The following QTMAN variants were observed in gnomAD, a reference collection of about 807,000 sequenced individuals.
The protein encoded by QTMAN is tRNA-queuosine alpha-mannosyltransferase.
At chr2:144,332,749 C>G in the QTMAN span, among the ~76,000 whole-genome samples, 2 of 152,030 alleles carry the variant, frequency 1.3e-5, no homozygotes, top group African/African-American at 4.8e-5. Context: ...GCCCACTGTC[C>G]CCCGGCCTCG....
chr2:144,224,538 T>A, the QTMAN span, among the ~76,000 whole-genome samples: 5 of 152,028 alleles, frequency 3.3e-5, no homozygotes, highest in African/African-American at 4.8e-5. Context: ...AAATAACACA[T>A]GGTAACAGAG....
the QTMAN span, among the ~76,000 whole-genome samples, chr2:144,297,870 G>C: frequency 6.6e-6 from 1 of 151,224 alleles, no homozygotes; most frequent in African/African-American, 2.4e-5. Flanking sequence ...GTGAGCCACA[G>C]TGCCGGGCTG....
chr2:144,139,739 G>T, the QTMAN span, among the ~76,000 whole-genome samples: 1 of 152,044 alleles, frequency 6.6e-6, no homozygotes, highest in Non-Finnish European at 1.5e-5. Context: ...AACTGCTGAG[G>T]TGACAGACAT....
the QTMAN span, among the ~76,000 whole-genome samples, chr2:144,294,649 T>C: frequency 6.6e-5 from 10 of 152,026 alleles, no homozygotes; most frequent in South Asian, 2.1e-4. Context: ...TTGTTTAACA[T>C]TGGGTGAAAA....
chr2:144,067,402 T>C, the QTMAN span, among the ~76,000 whole-genome samples: 114 of 152,358 alleles, frequency 7.5e-4, no homozygotes, highest in Admixed American at 1.8e-3. Flanking sequence ...TTGCTCTTCA[T>C]AAGCTTTACA....
chr2:144,099,671 C>T, the QTMAN span, among the ~76,000 whole-genome samples: 2 of 152,190 alleles, frequency 1.3e-5, no homozygotes, highest in Non-Finnish European at 2.9e-5. Flanking sequence ...CTTCCTCAAG[C>T]CCTTTCCACA....
At chr2:143,965,945 G>A in the QTMAN span, among the ~76,000 whole-genome samples, 2 of 152,186 alleles carry the variant, frequency 1.3e-5, no homozygotes, top group African/African-American at 4.8e-5. Context: ...GAAGATTACA[G>A]GCAATGAAAT....
chr2:143,950,342 A>G, the QTMAN span, among the ~76,000 whole-genome samples: 1 of 151,756 alleles, frequency 6.6e-6, no homozygotes, highest in East Asian at 1.9e-4. Flanking sequence ...CTGTTTGTAA[A>G]ATAAATAATT....
chr2:144,092,202 G>A, the QTMAN span, among the ~76,000 whole-genome samples: 2 of 149,424 alleles, frequency 1.3e-5, no homozygotes, highest in Admixed American at 6.7e-5. Flanking sequence ...CTGAGACAGA[G>A]TCTTACTCTG....
At chr2:144,287,216 C>T in the QTMAN span, among the ~76,000 whole-genome samples, 2 of 152,096 alleles carry the variant, frequency 1.3e-5, no homozygotes, top group Non-Finnish European at 2.9e-5. Context: ...GCGGGCGGAT[C>T]ACAAGGTCAG....
At chr2:144,098,421 G>GT in the QTMAN span, among the ~76,000 whole-genome samples, 4 of 152,124 alleles carry the variant, frequency 2.6e-5, no homozygotes, top group Admixed American at 2.6e-4. Context: ...TCCTTTAACA[G>GT]TAAGGAGTCA....
the QTMAN span, among the ~76,000 whole-genome samples, chr2:144,240,674 T>C: frequency 3.3e-5 from 5 of 152,242 alleles, no homozygotes; most frequent in East Asian, 1.9e-4. Flanking sequence ...ACCCTAGAGA[T>C]TGATGAAGGC....
chr2:143,987,215 A>C, the QTMAN span, among the ~76,000 whole-genome samples: 1 of 152,156 alleles, frequency 6.6e-6, no homozygotes, highest in African/African-American at 2.4e-5. Context: ...GGTGCCACCA[A>C]CTTCACTGCA....
At chr2:144,275,709 A>T in the QTMAN span, among the ~76,000 whole-genome samples, 9 of 152,198 alleles carry the variant, frequency 5.9e-5, no homozygotes, top group Non-Finnish European at 1.2e-4. Flanking sequence ...TTAATGCTGA[A>T]GGAATCCATC....
At chr2:144,329,327 G>A in the QTMAN span, among the ~76,000 whole-genome samples, 2 of 151,806 alleles carry the variant, frequency 1.3e-5, no homozygotes, top group Non-Finnish European at 2.9e-5. Context: ...AGAATACACA[G>A]TGTTCTTCAT....
chr2:144,287,707 T>C, the QTMAN span, among the ~76,000 whole-genome samples: 2 of 151,954 alleles, frequency 1.3e-5, no homozygotes, highest in Non-Finnish European at 2.9e-5. Flanking sequence ...TAGAAGAGAG[T>C]AGTGTCCTCA....
the QTMAN span, among the ~76,000 whole-genome samples, chr2:144,119,488 C>CT: frequency 6.6e-6 from 1 of 152,252 alleles, no homozygotes; most frequent in Non-Finnish European, 1.5e-5. Flanking sequence ...TGTCCTAACT[C>CT]TACTTCTGGT....
the QTMAN span, among the ~76,000 whole-genome samples, chr2:144,018,406 A>G: frequency 7.2e-5 from 11 of 152,120 alleles, no homozygotes; most frequent in African/African-American, 2.7e-4. Flanking sequence ...TTGCTATCTA[A>G]TTTTTAAGCC....
the QTMAN span, among the ~76,000 whole-genome samples, chr2:144,185,815 G>T: frequency 1.3e-5 from 2 of 152,158 alleles, no homozygotes; most frequent in Non-Finnish European, 2.9e-5. Flanking sequence ...TAGGAGAAAA[G>T]AAGTTAGATT....
Sources: allele counts gnomAD v4.1 joint callset (sites outside exome capture counted in the v4.1 genomes callset), GRCh38; gene constraint gnomAD v4.1.1; transcripts MANE v1.5; gene names NCBI Gene and HGNC (gene_info 2026-07-23, HGNC 2026-07-21).